The following TG variants were observed in gnomAD, a reference collection of about 807,000 sequenced individuals.
The protein encoded by TG is thyroglobulin, also known as thyroid hormones.
In TG, 270 loss-of-function variants were observed where a neutral mutation model predicts 324.7. The ratio of observed to expected loss-of-function variants is 0.83; its 90% CI spans 0.75 to 0.92. The LOEUF is 0.92. Among genes scored for constraint, TG ranks in the 40% least tolerant of loss-of-function variants. TG has a pLI of 0.00. For synonymous variants in TG, 1,401 were observed against 1,327.0 expected (o/e 1.06, Z -1.21); for missense variants, 3,591 against 3,456.4 (o/e 1.04, Z -0.98).
chr8:133,126,568 C>T (rs1851534561), intron 45 of TG, among the ~76,000 whole-genome samples: 3 of 123,572 alleles, frequency 2.4e-5, no homozygotes. Context: ...AATATCTCCT[C>T]TGGGGCCGGG....
At chr8:133,066,450 C>T (rs1358800048) in intron 41 of TG, among the ~76,000 whole-genome samples, 7 of 152,110 alleles carry the variant, frequency 4.6e-5, no homozygotes, top group East Asian at 3.9e-4. Context: ...AATGCATACA[C>T]GTGGAAAAAT....
intron 27 of TG, among the ~76,000 whole-genome samples, chr8:132,957,766 C>CAG (rs1554680123): frequency 0.055 from 8,027 of 145,558 alleles, 766 homozygotes; most frequent in African/African-American, 0.19. Context: ...CACACACACA[C>CAG]ACACACACAC....
chr8:132,873,189 G>A lies in TG; in HGVS notation c.606G>A (p.Met202Ile). Reference protein sequence around the residue: ...VQCKFVNTTDMMIFDLVHSYN... With the variant: ...VQCKFVNTTDIMIFDLVHSYN... ...GCAAATTTGTCAACACCACAGACAT[G>A]ATGATTTTTGATCTGGTCCACAGCT... The change falls in exon 5 of 48, where the codon ATG becomes ATA. Residue 202 changes from methionine to isoleucine, a missense_variant. Met to Ile is a conservative substitution (Grantham distance 10). Transcript: ENST00000220616. 4 of 1,614,174 alleles carry A rather than the reference G, an allele frequency of 2.5e-6. No individual in the cohort carries two copies. Among genetic ancestry groups the A allele is most frequent in the Non-Finnish European group, 3.4e-6 (4 of 1,180,022 alleles).
chr8:132,952,611 T>A (rs1826270508), intron 27 of TG, among the ~76,000 whole-genome samples: 1 of 152,200 alleles, frequency 6.6e-6, no homozygotes, highest in Non-Finnish European at 1.5e-5. Context: ...AATGGGGAAT[T>A]GGCATTTGTT....
chr8:133,102,528 A>G, intron 43 of TG: 21 of 1,551,158 alleles, frequency 1.4e-5, no homozygotes, highest in Non-Finnish European at 1.8e-5. Context: ...AGGGGGTCCC[A>G]ATGACAGCAA....
chr8:132,988,648 C>A lies in TG; in HGVS notation c.6262+5236C>A, dbSNP rs76711820. On this transcript the variant is annotated intron_variant, in intron 35 of 47. Transcript: ENST00000220616. ...CTTTGGATAAAAATTGTTTTATAAACAAGTGAAATAGTAAATATATATTTT... is the reference window on the plus strand; with the variant it reads ...CTTTGGATAAAAATTGTTTTATAAAAAAGTGAAATAGTAAATATATATTTT... 5,790 of 943,940 alleles carry A rather than the reference C, an allele frequency of 6.1e-3. 251 individuals are homozygous for A. The African/African-American group carries it at 0.091, about 15-fold the overall frequency. 58.5% of individuals were successfully genotyped at this position (943,940 alleles called of 1,614,324 possible).
intron 43 of TG, among the ~76,000 whole-genome samples, chr8:133,107,977 T>TCCC (rs1849947422): frequency 7.0e-6 from 1 of 143,374 alleles, no homozygotes. Flanking sequence ...TTCTTTTCTT[T>TCCC]TCTTCTTTTT....
In TG at chr8:132,944,510, A is replaced by C. The variant is rs181976232; in HGVS notation, c.5233+2968A>C. On this transcript the variant is annotated intron_variant, in intron 26 of 47. Coordinates refer to ENST00000220616, the MANE Select transcript of TG (RefSeq NM_003235.5). The stretch of plus-strand genomic sequence containing the variant: ...AAAGAGTTATTTATCCTCAGCCTTT[A>C]GGACAGCCATGCTCACTGTAGGTGC... 2.4e-3 allele frequency among the ~76,000 whole-genome samples: 373 copies of C among 152,328 alleles called. 1 individual carries two copies. Among genetic ancestry groups the C allele is most frequent in the South Asian group, 3.7e-3 (18 of 4,822 alleles).
chr8:132,995,078 G>A, intron 35 of TG: 7 of 964,218 alleles, frequency 7.3e-6, no homozygotes, highest in Non-Finnish European at 8.5e-6. Context: ...AGCAGAAGGA[G>A]CCAGGCAAAA....
chr8:132,883,255 G>A, intron 8 of TG: 1 of 512,290 alleles, frequency 2.0e-6, no homozygotes, highest in Non-Finnish European at 3.5e-6. Flanking sequence ...AAATAAAAGA[G>A]AATTGAGTTC....
chr8:132,971,172 G>A (rs140272703), intron 32 of TG, among the ~76,000 whole-genome samples: 106 of 152,316 alleles, frequency 7.0e-4, no homozygotes, highest in African/African-American at 2.4e-3. Flanking sequence ...AGCCCTAGAA[G>A]CTGAGGGTGG....
At chr8:132,870,666 C>G (rs115383812) in intron 3 of TG, among the ~76,000 whole-genome samples, 1 of 151,828 alleles carries the variant, frequency 6.6e-6, no homozygotes, top group Non-Finnish European at 1.5e-5. Flanking sequence ...CAGGCTGTGC[C>G]GAAGCATGCC....
At chr8:132,893,396 G>T (rs1378110762) in intron 10 of TG, among the ~76,000 whole-genome samples, 1 of 139,858 alleles carries the variant, frequency 7.2e-6, no homozygotes, top group African/African-American at 2.7e-5. Flanking sequence ...TGGGGGGGTG[G>T]TGTGTATGTG....
intron 35 of TG, among the ~76,000 whole-genome samples, chr8:132,992,614 G>T (rs892502741): frequency 7.2e-5 from 11 of 152,186 alleles, no homozygotes; most frequent in South Asian, 2.1e-4. Context: ...CACTGTGGAG[G>T]GTGCTGTGGG....
chr8:133,043,219 G>A (rs141222812), intron 41 of TG, among the ~76,000 whole-genome samples: 62 of 152,224 alleles, frequency 4.1e-4, no homozygotes, highest in Non-Finnish European at 6.3e-4. Context: ...GTCAAGCAGC[G>A]GCAGTTAGAT....
intron 41 of TG, among the ~76,000 whole-genome samples, chr8:133,056,557 T>A (rs1841476275): frequency 6.6e-6 from 1 of 152,218 alleles, no homozygotes; most frequent in Non-Finnish European, 1.5e-5. Flanking sequence ...TCAGACCACC[T>A]GGCTTTGAAT....
rs1041595049 is a variant in TG, at chr8:133,134,885, T to C, written c.*91T>C. On this transcript the variant is annotated 3_prime_UTR_variant, in exon 48 of 48. Coordinates refer to ENST00000220616, the MANE Select transcript of TG (RefSeq NM_003235.5). ...ATAGCCACTTACCTTCAATAAAGTATCTACATGCGGTGAAGCATTGTTGAC... is the reference window on the plus strand; with the variant it reads ...ATAGCCACTTACCTTCAATAAAGTACCTACATGCGGTGAAGCATTGTTGAC... 27 of 976,048 alleles carry C rather than the reference T, an allele frequency of 2.8e-5. No individual in the cohort carries two copies. Among genetic ancestry groups the C allele is most frequent in the East Asian group, 4.9e-5 (2 of 40,972 alleles). The allele number at this position is 976,048 out of a possible 1,614,324, so 60.5% of individuals were successfully genotyped here. A position where few individuals can be genotyped will look rare whatever the true frequency, so the allele number is the denominator to read the frequency against.
At chr8:133,048,563 G>A (rs1198585919) in intron 41 of TG, 1 of 155,780 alleles carries the variant, frequency 6.4e-6, no homozygotes, top group East Asian at 1.9e-4. Context: ...GATCACCTCT[G>A]TTGGATTGGT....
chr8:132,914,040 C>T (rs1050756979), intron 20 of TG, among the ~76,000 whole-genome samples: 2 of 152,198 alleles, frequency 1.3e-5, no homozygotes, highest in African/African-American at 2.4e-5. Context: ...GACCCCTCTT[C>T]CCTGGTCACA....
Sources: gnomAD v4.1 joint callset for allele counts (sites outside exome capture counted in the v4.1 genomes callset) on GRCh38, gnomAD v4.1.1 for gene constraint, MANE v1.5 for transcripts, NCBI Gene and HGNC (gene_info 2026-07-23, HGNC 2026-07-21) for gene names.